PLCL1: variants seen among roughly 807,000 people sequenced by gnomAD.
PLCL1 encodes phospholipase C like 1 (inactive).
PLCL1 carries 41 observed loss-of-function variants against 84.4 expected under a neutral mutation model. That is an observed-to-expected ratio of 0.49 (90% CI 0.38 to 0.63). PLCL1 has a LOEUF of 0.63. PLCL1 is among the 30% of genes least tolerant of loss of function. PLCL1 has a pLI of 0.00. For synonymous variants in PLCL1, 490 were observed against 488.3 expected, an observed-to-expected ratio of 1.00 and a Z score of -0.05; for missense variants, 1,206 against 1,367.8, an observed-to-expected ratio of 0.88 and a Z score of 1.87.
intron 1 of PLCL1, among the ~76,000 whole-genome samples, chr2:197,991,213 G>A (rs1035145720): frequency 6.6e-6 from 1 of 152,152 alleles, no homozygotes. Flanking sequence ...TCTTGCTTGA[G>A]TTGGGACCTC....
chr2:197,985,278 A>G (rs1245384948), intron 1 of PLCL1, among the ~76,000 whole-genome samples: 1 of 152,214 alleles, frequency 6.6e-6, no homozygotes, highest in Non-Finnish European at 1.5e-5. Context: ...CAACCACCTC[A>G]CAGGGTAGCT....
intron 5 of PLCL1, among the ~76,000 whole-genome samples, chr2:198,136,384 AG>A (rs1383582457): frequency 6.6e-6 from 1 of 152,124 alleles, no homozygotes; most frequent in African/African-American, 2.4e-5. Context: ...AAGGTCAAAA[AG>A]CTAGTAAGTC....
chr2:198,084,935 A>G lies in PLCL1; in HGVS notation c.1418A>G (p.Glu473Gly). The change falls in exon 2 of 6, where the codon GAG becomes GGG. Residue 473 changes from glutamate to glycine, a missense_variant. Transcript: ENST00000428675. ...CATGTTTCCTTTCGAAGTGTCATAGAGGTAATAAATAAATTTGCCTTTGTT... is the reference window on the plus strand; with the variant it reads ...CATGTTTCCTTTCGAAGTGTCATAGGGGTAATAAATAAATTTGCCTTTGTT... ...TTHVSFRSVI[E>G]VINKFAFVAS... 1 of 1,614,010 alleles carries G rather than the reference A, an allele frequency of 6.2e-7. No individual in the cohort carries two copies.
chr2:197,810,423 G>A (rs1690560137), intron 1 of PLCL1: 3 of 436,566 alleles, frequency 6.9e-6, no homozygotes, highest in Non-Finnish European at 1.2e-5. Flanking sequence ...TTCCCTTTTG[G>A]AAAATATATT....
At chr2:197,907,936 G>A (rs1463416951) in intron 1 of PLCL1, among the ~76,000 whole-genome samples, 3 of 152,114 alleles carry the variant, frequency 2.0e-5, no homozygotes, top group South Asian at 4.1e-4. Flanking sequence ...TGATTCTAAT[G>A]AGCAGCTAAG....
In PLCL1 at chr2:198,103,852, T is replaced by C. The variant is rs1693405267; in HGVS notation, c.3021T>C (p.His1007=). 6.2e-7 allele frequency: 1 copy of C among 1,604,782 alleles called. No homozygotes were observed. Among genetic ancestry groups the C allele is most frequent in the African/African-American group, 1.3e-5 (1 of 74,590 alleles). ...KAGMEFHEEL[H]NLGAKEGLKG... ...GGATGGAGTTCCATGAAGAACTTCA[T>C]AATTTGGGGGCAAAAGAAGGCTTGA... The change falls in exon 5 of 6, where the codon CAT becomes CAC. Residue 1007 remains histidine, a synonymous_variant. Transcript: ENST00000428675.
chr2:198,094,175 C>T (rs1693130416), intron 3 of PLCL1, among the ~76,000 whole-genome samples: 1 of 152,106 alleles, frequency 6.6e-6, no homozygotes, highest in Non-Finnish European at 1.5e-5. Context: ...CATTCTCCTG[C>T]CTCCGCCTCC....
intron 1 of PLCL1, among the ~76,000 whole-genome samples, chr2:198,046,101 G>C (rs1008603471): frequency 6.6e-6 from 1 of 152,128 alleles, no homozygotes; most frequent in African/African-American, 2.4e-5. Context: ...TTTGCCATCT[G>C]TTTTTGTAAA....
intron 1 of PLCL1, among the ~76,000 whole-genome samples, chr2:197,933,513 G>A: frequency 6.6e-6 from 1 of 152,170 alleles, no homozygotes; most frequent in African/African-American, 2.4e-5. Context: ...CTCAGAGCTG[G>A]TAGAAAGGAA....
intron 1 of PLCL1, among the ~76,000 whole-genome samples, chr2:197,936,050 A>G (rs1158905869): frequency 1.3e-5 from 2 of 151,848 alleles, no homozygotes; most frequent in Non-Finnish European, 2.9e-5. Flanking sequence ...CTCCAGGTTC[A>G]TTCATGTTGT....
chr2:197,876,111 T>A (rs1269659231), intron 1 of PLCL1, among the ~76,000 whole-genome samples: 2 of 152,334 alleles, frequency 1.3e-5, no homozygotes, highest in East Asian at 3.9e-4. Flanking sequence ...CATTTGTATC[T>A]AAGAAGTATG....
intron 1 of PLCL1, among the ~76,000 whole-genome samples, chr2:198,042,539 A>G (rs1001875236): frequency 1.3e-5 from 2 of 152,168 alleles, no homozygotes; most frequent in Admixed American, 6.5e-5. Context: ...AGAAGAAGCA[A>G]AAGTATTCAG....
At chr2:198,053,986 G>A (rs1017827652) in intron 1 of PLCL1, among the ~76,000 whole-genome samples, 1 of 152,126 alleles carries the variant, frequency 6.6e-6, no homozygotes, top group African/African-American at 2.4e-5. Flanking sequence ...CTTGGGAAAG[G>A]GTAAAAATGT....
At chr2:197,943,702 ATG>A (rs1046134503) in intron 1 of PLCL1, among the ~76,000 whole-genome samples, 20 of 150,058 alleles carry the variant, frequency 1.3e-4, no homozygotes, top group Admixed American at 6.7e-4. Context: ...CTGCACTGGA[ATG>A]TGTGGCTGCC....
intron 5 of PLCL1, among the ~76,000 whole-genome samples, chr2:198,121,550 T>C (rs139575172): frequency 0.011 from 1,635 of 152,230 alleles, 10 homozygotes; most frequent in Non-Finnish European, 0.017. Context: ...CCAGCACCAT[T>C]ATTGAAGAGA....
intron 1 of PLCL1, among the ~76,000 whole-genome samples, chr2:198,068,593 G>A (rs796844233): frequency 6.6e-6 from 1 of 152,124 alleles, no homozygotes; most frequent in South Asian, 2.1e-4. Context: ...TTAGTAAAAC[G>A]AATGAACTTA....
chr2:197,980,691 G>A (rs111463986), intron 1 of PLCL1, among the ~76,000 whole-genome samples: 1,832 of 152,222 alleles, frequency 0.012, 38 homozygotes, highest in African/African-American at 0.042. Flanking sequence ...AAATGATAGT[G>A]GGGGAACAGT....
At chr2:197,869,728 G>A (rs184591190) in intron 1 of PLCL1, among the ~76,000 whole-genome samples, 36 of 152,266 alleles carry the variant, frequency 2.4e-4, no homozygotes, top group African/African-American at 8.7e-4. Context: ...AAGAAGTTTT[G>A]ATGTTATCCT....
At position 198,088,975 on chromosome 2, in the gene PLCL1, C is replaced by T. The variant is rs1276390689; in HGVS notation, c.2833C>T (p.Leu945Phe). The T allele has an allele frequency of 1.2e-6, 2 of 1,613,766 alleles. No individual in the cohort carries two copies. Among genetic ancestry groups the T allele is most frequent in the East Asian group, 2.2e-5 (1 of 44,874 alleles). Reference protein sequence around the residue: ...ITSDNTPSVSLVMKDSFPYLE... With the variant: ...ITSDNTPSVSFVMKDSFPYLE... ...CAGTGACAATACTCCTTCAGTCTCA[C>T]TTGTGATGAAAGACAGCTTTCCTTA... The change falls in exon 3 of 6, where the codon CTT (leucine) becomes TTT (phenylalanine). Residue 945 changes from leucine to phenylalanine, a missense_variant. Transcript: ENST00000428675.
Sources: allele counts gnomAD v4.1 joint callset (sites outside exome capture counted in the v4.1 genomes callset), GRCh38; gene constraint gnomAD v4.1.1; transcripts MANE v1.5; gene names NCBI Gene and HGNC (gene_info 2026-07-23, HGNC 2026-07-21).